CAST: variants seen among roughly 807,000 people sequenced by gnomAD.
The protein encoded by CAST is calpastatin, also known as MIR583 host.
In CAST, 76 loss-of-function variants were observed where a neutral mutation model predicts 119.6. That is an observed-to-expected ratio of 0.64 (90% CI 0.53 to 0.77). CAST has a LOEUF of 0.77. CAST is among the 30% of genes least tolerant of loss of function. The pLI, the probability that CAST is intolerant of heterozygous loss-of-function variation, is 0.00. For synonymous variants in CAST, 319 were observed against 331.6 expected (o/e 0.96, Z 0.41); for missense variants, 953 against 946.5 (o/e 1.01, Z -0.09).
At chr5:95,966,640 C>G in the CAST span, among the ~76,000 whole-genome samples, 2 of 152,188 alleles carry the variant, frequency 1.3e-5, no homozygotes, top group African/African-American at 2.4e-5. Flanking sequence ...AGCCCTTCTT[C>G]ACTCTTAATG....
At chr5:96,392,400 T>A in the CAST span, 1 of 153,360 alleles carries the variant, frequency 6.5e-6, no homozygotes, top group African/African-American at 2.4e-5. Context: ...GCATTCAGAT[T>A]TCAAGATCTG....
chr5:95,980,999 C>T, the CAST span, among the ~76,000 whole-genome samples: 1 of 152,152 alleles, frequency 6.6e-6, no homozygotes, highest in Non-Finnish European at 1.5e-5. Context: ...GGGAGCAATA[C>T]AACCTCCTTT....
the CAST span, among the ~76,000 whole-genome samples, chr5:96,090,746 T>C: frequency 6.6e-6 from 1 of 152,002 alleles, no homozygotes; most frequent in African/African-American, 2.4e-5. Context: ...GGAGTGTGTG[T>C]GTGTGCGTGT....
the CAST span, among the ~76,000 whole-genome samples, chr5:96,117,033 C>T: frequency 1.3e-5 from 2 of 152,234 alleles, no homozygotes; most frequent in African/African-American, 2.4e-5. Flanking sequence ...ATGTCTTGGT[C>T]ACCCTGAAGC....
At chr5:96,617,567 AT>A (rs1301714811) in intron 1 of CAST, among the ~76,000 whole-genome samples, 1 of 151,978 alleles carries the variant, frequency 6.6e-6, no homozygotes, top group African/African-American at 2.4e-5. Context: ...AGGCGGGCGA[AT>A]CACAAGGTCA....
chr5:96,343,746 T>G, the CAST span, among the ~76,000 whole-genome samples: 1 of 152,212 alleles, frequency 6.6e-6, no homozygotes, highest in African/African-American at 2.4e-5. Flanking sequence ...TTATTTTTCT[T>G]ACTGGTCCAG....
the CAST span, among the ~76,000 whole-genome samples, chr5:96,342,502 C>T: frequency 6.6e-6 from 1 of 152,184 alleles, no homozygotes; most frequent in Non-Finnish European, 1.5e-5. Context: ...CTTGGAGAAC[C>T]ACTGTCCTTA....
In CAST at chr5:96,727,532, T is replaced by G; in HGVS notation, c.378+2T>G. The G allele has an allele frequency of 6.4e-7, 1 of 1,553,684 alleles. No individual in the cohort carries two copies. Among genetic ancestry groups the G allele is most frequent in the East Asian group, 2.3e-5 (1 of 43,332 alleles). ...GAGAAGAAGTCACAGTCAACCAAGG[T>G]AAATAGTTTAAGTCTGTTAGTTAGT... On this transcript the variant is annotated splice_donor_variant, in intron 6 of 31. Transcript: ENST00000675179. LOFTEE classifies it high-confidence loss of function.
rs57199097 is a variant in CAST, at chr5:96,696,686, T to TAAAAAAAAAAAAAAAAAA, written c.210+792_210+793insAAAAAAAAAAAAAAAAAA. On this transcript the variant is annotated intron_variant, in intron 3 of 31. Coordinates refer to ENST00000675179, the MANE Select transcript of CAST (RefSeq NM_001750.7). ...CAACATAGTAAGACCCTTTCTCTCC[T>TAAAAAAAAAAAAAAAAAA]AAAAAAAAAAAAATTAAAAATTAGC... 2.2e-3 allele frequency among the ~76,000 whole-genome samples: 218 copies of TAAAAAAAAAAAAAAAAAA among 97,132 alleles called. 3 individuals carry two copies. Among genetic ancestry groups the TAAAAAAAAAAAAAAAAAA allele is most frequent in the Middle Eastern group, 0.02 (3 of 150 alleles). The allele number at this position is 97,132 out of a possible 152,430, so 63.7% of individuals were successfully genotyped here. A position where few individuals can be genotyped will look rare whatever the true frequency, so the allele number is the denominator to read the frequency against.
At chr5:96,516,287 C>T in the CAST span, among the ~76,000 whole-genome samples, 4 of 152,142 alleles carry the variant, frequency 2.6e-5, no homozygotes, top group South Asian at 6.2e-4. Context: ...CAATACATTG[C>T]TCTGTTCAAA....
At chr5:96,148,546 T>TGAGAC in the CAST span, among the ~76,000 whole-genome samples, 5 of 152,196 alleles carry the variant, frequency 3.3e-5, no homozygotes, top group African/African-American at 4.8e-5. Context: ...ATGAAGAAAC[T>TGAGAC]GAGACAATTT....
chr5:96,708,347 A>C (rs976264517), intron 3 of CAST, among the ~76,000 whole-genome samples: 15 of 152,132 alleles, frequency 9.9e-5, no homozygotes, highest in African/African-American at 3.6e-4. Flanking sequence ...ATGGCCTCAG[A>C]TCTATCTTGC....
At chr5:96,601,232 T>C (rs1476400572) in intron 1 of CAST, among the ~76,000 whole-genome samples, 1 of 152,236 alleles carries the variant, frequency 6.6e-6, no homozygotes, top group Non-Finnish European at 1.5e-5. Context: ...AGGAAATCTG[T>C]TTATTAGAAT....
chr5:96,719,419 C>T (rs1234086692), intron 3 of CAST, among the ~76,000 whole-genome samples: 1 of 152,210 alleles, frequency 6.6e-6, no homozygotes, highest in Non-Finnish European at 1.5e-5. Context: ...TCTCGGCCTC[C>T]CGAGGTGCTG....
intron 30 of CAST, among the ~76,000 whole-genome samples, chr5:96,771,054 G>GCT (rs1224283917): frequency 6.6e-6 from 1 of 152,118 alleles, no homozygotes. Flanking sequence ...ATAAGGAGGA[G>GCT]TTAAAGGTGT....
chr5:96,659,749 C>T (rs927661331), upstream of CAST, among the ~76,000 whole-genome samples: 2 of 152,082 alleles, frequency 1.3e-5, no homozygotes, highest in African/African-American at 4.8e-5. Flanking sequence ...AGGCTGGTCT[C>T]GAACTCCTGA....
chr5:96,189,651 T>G, the CAST span, among the ~76,000 whole-genome samples: 1 of 152,210 alleles, frequency 6.6e-6, no homozygotes, highest in Non-Finnish European at 1.5e-5. Context: ...TACTTTATGA[T>G]TCTTATCTTC....
the CAST span, among the ~76,000 whole-genome samples, chr5:96,167,896 G>A: frequency 7.3e-4 from 111 of 152,284 alleles, 3 homozygotes; most frequent in East Asian, 0.018. Flanking sequence ...AGTGGGTGGG[G>A]GGGCCTGAAC....
At chr5:96,079,536 C>T in the CAST span, among the ~76,000 whole-genome samples, 2 of 152,102 alleles carry the variant, frequency 1.3e-5, no homozygotes, top group African/African-American at 4.8e-5. Context: ...CTGAATAACT[C>T]TTATTTGTAT....
Sources: allele counts gnomAD v4.1 joint callset (sites outside exome capture counted in the v4.1 genomes callset), GRCh38; gene constraint gnomAD v4.1.1; transcripts MANE v1.5; gene names NCBI Gene and HGNC (gene_info 2026-07-23, HGNC 2026-07-21).